SDK1: variants seen among roughly 807,000 people sequenced by gnomAD.
SDK1 encodes the protein sidekick cell adhesion molecule 1, also known as protein sidekick-1.
A neutral mutation model predicts 245.5 loss-of-function variants in SDK1; 157 were observed. The ratio of observed to expected loss-of-function variants is 0.64; its 90% CI spans 0.56 to 0.73. The LOEUF (loss-of-function observed/expected upper bound fraction) is 0.73, where lower values mean the gene tolerates loss of function less well. SDK1 is among the 30% of genes least tolerant of loss of function. The probability of loss-of-function intolerance (pLI) is 0.00; values close to 1 mark genes in which losing one functional copy is unlikely to be tolerated. For synonymous variants in SDK1, 1,647 were observed against 1,278.5 expected (o/e 1.29, Z -6.15); for missense variants, 3,583 against 3,002.3 (o/e 1.19, Z -4.52).
At chr7:3,630,898 A>C (rs1782269310) in intron 2 of SDK1, among the ~76,000 whole-genome samples, 1 of 151,912 alleles carries the variant, frequency 6.6e-6, no homozygotes, top group Non-Finnish European at 1.5e-5. Context: ...CTAAAATCTA[A>C]AATTCATCAC....
rs543583542 is a variant in SDK1, at chr7:4,110,649, C to G, written c.3325-14C>G. The G allele has an allele frequency of 4.4e-6, 7 of 1,578,290 alleles. No homozygotes were observed. The African/African-American group carries it at 6.7e-5, about 15-fold the overall frequency. ...AGGCATGTCCAGCCCATCTCAGTGT[C>G]TCCCTCTGCACAGGTGGGAGCTATC... On this transcript the variant is annotated splice_polypyrimidine_tract_variant and intron_variant, in intron 22 of 44. Transcript: ENST00000404826.
chr7:3,840,561 C>A (rs1780131322), intron 5 of SDK1, among the ~76,000 whole-genome samples: 1 of 152,262 alleles, frequency 6.6e-6, no homozygotes, highest in Non-Finnish European at 1.5e-5. Flanking sequence ...TGTCAGCCCT[C>A]CTGAATCAAA....
chr7:3,784,679 T>G (rs535806475), intron 4 of SDK1, among the ~76,000 whole-genome samples: 1 of 152,268 alleles, frequency 6.6e-6, no homozygotes, highest in South Asian at 2.1e-4. Context: ...CTCACACCTG[T>G]CAGAATAGCT....
chr7:3,991,249 A>G (rs964181294), intron 14 of SDK1, among the ~76,000 whole-genome samples: 1 of 152,104 alleles, frequency 6.6e-6, no homozygotes, highest in Non-Finnish European at 1.5e-5. Flanking sequence ...GTGGGAAACA[A>G]CTGCCCGTGA....
At chr7:4,089,909 A>G (rs1246511405) in intron 22 of SDK1, among the ~76,000 whole-genome samples, 1 of 152,240 alleles carries the variant, frequency 6.6e-6, no homozygotes, top group East Asian at 1.9e-4. Flanking sequence ...GGCTGCACCC[A>G]GTGGTCTCCT....
chr7:3,697,964 A>G (rs748430075), intron 4 of SDK1, among the ~76,000 whole-genome samples: 1 of 152,188 alleles, frequency 6.6e-6, no homozygotes, highest in Non-Finnish European at 1.5e-5. Flanking sequence ...AAGAAGGCAG[A>G]CAGACTGAGG....
intron 5 of SDK1, among the ~76,000 whole-genome samples, chr7:3,932,997 G>T (rs1379035763): frequency 6.6e-6 from 1 of 152,082 alleles, no homozygotes; most frequent in Non-Finnish European, 1.5e-5. Context: ...CCCAGAACCT[G>T]CCCTGGGGGC....
At chr7:3,516,316 G>A (rs867715270) in intron 1 of SDK1, among the ~76,000 whole-genome samples, 1 of 151,782 alleles carries the variant, frequency 6.6e-6, no homozygotes, top group Non-Finnish European at 1.5e-5. Flanking sequence ...GTAGATCATA[G>A]GATACACAGA....
chr7:3,848,711 A>C (rs186894739), intron 5 of SDK1, among the ~76,000 whole-genome samples: 34 of 150,820 alleles, frequency 2.3e-4, no homozygotes, highest in African/African-American at 7.8e-4. Flanking sequence ...TGCTCTTGTC[A>C]CTCAGGCTGG....
At chr7:3,606,649 C>G (rs909707937) in intron 1 of SDK1, among the ~76,000 whole-genome samples, 3 of 152,182 alleles carry the variant, frequency 2.0e-5, no homozygotes, top group Admixed American at 6.6e-5. Flanking sequence ...GTGCATGACT[C>G]TCTTCATCAG....
At chr7:3,875,775 CTT>C (rs1213916187) in intron 5 of SDK1, among the ~76,000 whole-genome samples, 2 of 152,172 alleles carry the variant, frequency 1.3e-5, no homozygotes, top group African/African-American at 4.8e-5. Flanking sequence ...GTGGTGTTCT[CTT>C]GTTAGACTCT....
At chr7:4,008,748 AC>A (rs1281637529) in intron 14 of SDK1, among the ~76,000 whole-genome samples, 1 of 152,154 alleles carries the variant, frequency 6.6e-6, no homozygotes, top group Non-Finnish European at 1.5e-5. Context: ...GGGGAAGGGT[AC>A]TATAAATTAA....
Position 3,703,746 on chromosome 7 carries a change from T to A in SDK1, c.713+61641T>A, listed in dbSNP as rs148295825. The stretch of plus-strand genomic sequence containing the variant: ...ATTTCAAAGTAAAATACTGTTTTTT[T>A]CCTTGAAAAAGGAGACTTCTCCAAT... On this transcript the variant is annotated intron_variant, in intron 4 of 44. Transcript: ENST00000404826. Among the ~76,000 whole-genome samples the A allele has an allele frequency of 2.6e-4, 39 of 152,366 alleles. 1 individual carries two copies. The highest frequency in any genetic ancestry group is 8.7e-4 in the African/African-American group (36 of 41,592).
At chr7:3,583,841 G>C (rs570071099) in intron 1 of SDK1, among the ~76,000 whole-genome samples, 2 of 152,230 alleles carry the variant, frequency 1.3e-5, no homozygotes, top group South Asian at 2.1e-4. Flanking sequence ...GAAGGTGGCA[G>C]GCATTTCAAG....
At chr7:3,709,866 A>G (rs949111941) in intron 4 of SDK1, among the ~76,000 whole-genome samples, 4 of 152,204 alleles carry the variant, frequency 2.6e-5, no homozygotes, top group South Asian at 2.1e-4. Flanking sequence ...TTTGTCATCA[A>G]GGCCCACACA....
chr7:3,751,050 G>A (rs1282249149), intron 4 of SDK1, among the ~76,000 whole-genome samples: 5 of 152,148 alleles, frequency 3.3e-5, no homozygotes, highest in African/African-American at 4.8e-5. Context: ...CAATACCTTC[G>A]AGCTCCACCC....
intron 1 of SDK1, among the ~76,000 whole-genome samples, chr7:3,330,822 A>C (rs1173141084): frequency 2.6e-5 from 4 of 151,210 alleles, no homozygotes; most frequent in Admixed American, 6.6e-5. Context: ...AAAAAAAAAA[A>C]AAAAAACCAG....
At chr7:3,475,847 G>C (rs1313789474) in intron 1 of SDK1, among the ~76,000 whole-genome samples, 1 of 152,180 alleles carries the variant, frequency 6.6e-6, no homozygotes, top group Non-Finnish European at 1.5e-5. Flanking sequence ...CTGGCTCTCT[G>C]TGGCATCATG....
intron 5 of SDK1, among the ~76,000 whole-genome samples, chr7:3,856,911 A>G (rs962421988): frequency 3.3e-5 from 5 of 152,226 alleles, no homozygotes; most frequent in African/African-American, 1.2e-4. Context: ...AAGAAAACTT[A>G]GAATTCAAGG....
Sources: allele counts gnomAD v4.1 joint callset (sites outside exome capture counted in the v4.1 genomes callset), GRCh38; gene constraint gnomAD v4.1.1; transcripts MANE v1.5; gene names NCBI Gene and HGNC (gene_info 2026-07-23, HGNC 2026-07-21).